The following IKZF3 variants were observed in gnomAD, a reference collection of about 807,000 sequenced individuals.
IKZF3 encodes zinc finger protein Aiolos.
Under a neutral mutation model 49.0 loss-of-function variants are expected in IKZF3, and 10 were observed. The ratio of observed to expected loss-of-function variants is 0.20; its 90% CI spans 0.13 to 0.35. The LOEUF (loss-of-function observed/expected upper bound fraction) is 0.35. IKZF3 is among the 10% of genes least tolerant of loss of function. IKZF3 has a pLI of 1.00. For synonymous variants in IKZF3, 209 were observed against 228.2 expected (o/e 0.92, Z 0.76); for missense variants, 498 against 664.8 (o/e 0.75, Z 2.76).
intron 3 of IKZF3, among the ~76,000 whole-genome samples, chr17:39,814,675 G>T (rs1344316056): frequency 6.6e-6 from 1 of 152,122 alleles, no homozygotes; most frequent in Non-Finnish European, 1.5e-5. Flanking sequence ...AGAGATTAGA[G>T]TTATGCTGCC....
rs573230009 is a variant in IKZF3 at position 39,825,760 on chromosome 17, AT to A, written c.163+3626del. On this transcript the variant is annotated intron_variant, in intron 3 of 7. Transcript: ENST00000346872. ...GCTCTTATGATTGAAGGACAAAAAAATAATTTTAAAACCTAAAATATCAACG... is the reference window on the plus strand; with the variant it reads ...GCTCTTATGATTGAAGGACAAAAAAAAATTTTAAAACCTAAAATATCAACG... Among the ~76,000 whole-genome samples, 14 of 152,364 alleles carry A rather than the reference AT, an allele frequency of 9.2e-5. 1 individual carries two copies. The South Asian group carries it at 2.9e-3, about 32-fold the overall frequency.
intron 7 of IKZF3, among the ~76,000 whole-genome samples, chr17:39,776,830 C>T (rs182834284): frequency 6.6e-6 from 1 of 152,204 alleles, no homozygotes; most frequent in Non-Finnish European, 1.5e-5. Flanking sequence ...GAGGCTGAGA[C>T]AGGTTTCTAA....
intron 6 of IKZF3, among the ~76,000 whole-genome samples, chr17:39,784,697 C>G (rs750819964): frequency 7.9e-5 from 12 of 152,222 alleles, no homozygotes; most frequent in Non-Finnish European, 1.8e-4. Flanking sequence ...CCACCGCGCC[C>G]GGCCAGGATT....
At chr17:39,774,187 C>A (rs2060517487) in intron 7 of IKZF3, among the ~76,000 whole-genome samples, 1 of 152,116 alleles carries the variant, frequency 6.6e-6, no homozygotes, top group African/African-American at 2.4e-5. Context: ...CCTTTACCCT[C>A]ACAGTTCAAG....
chr17:39,777,815 C>T (rs1300068025), intron 6 of IKZF3, 48 bp from the exon 7 acceptor site: 2 of 1,589,042 alleles, frequency 1.3e-6, no homozygotes, highest in South Asian at 1.1e-5. Flanking sequence ...CACATTGGTA[C>T]ATGGGGAGAA....
chr17:39,863,442 A>G (rs2063270702), intron 1 of IKZF3, among the ~76,000 whole-genome samples: 1 of 152,110 alleles, frequency 6.6e-6, no homozygotes, highest in Non-Finnish European at 1.5e-5. Flanking sequence ...TGCATTTGCC[A>G]TTTTCAAGGT....
chr17:39,828,500 C>G (rs574341463), intron 3 of IKZF3, among the ~76,000 whole-genome samples: 3 of 152,300 alleles, frequency 2.0e-5, no homozygotes, highest in Admixed American at 6.5e-5. Context: ...AGTTATGTAA[C>G]AAGTCCTGTG....
At chr17:39,819,802 T>C (rs1328267065) in intron 3 of IKZF3, among the ~76,000 whole-genome samples, 1 of 152,082 alleles carries the variant, frequency 6.6e-6, no homozygotes, top group Non-Finnish European at 1.5e-5. Context: ...CCCAAGTAGC[T>C]GGGACTACAG....
chr17:39,847,573 A>G (rs566095549), intron 1 of IKZF3, among the ~76,000 whole-genome samples: 173 of 152,282 alleles, frequency 1.1e-3, no homozygotes, highest in African/African-American at 3.9e-3. Context: ...GTTATAGCTC[A>G]GATGTTACCA....
intron 4 of IKZF3, 137 bp downstream of exon 4, chr17:39,792,535 CA>C: frequency 1.2e-6 from 1 of 827,320 alleles, no homozygotes; most frequent in Middle Eastern, 3.7e-4. Context: ...GAGTGAACAG[CA>C]ATGCAGAGAG....
intron 1 of IKZF3, among the ~76,000 whole-genome samples, chr17:39,860,657 A>G (rs2063190784): frequency 6.6e-6 from 1 of 151,398 alleles, no homozygotes; most frequent in Admixed American, 6.6e-5. Flanking sequence ...GGAGCTAAAC[A>G]CTGGGTACAC....
chr17:39,820,196 T>C (rs774856243), intron 3 of IKZF3, among the ~76,000 whole-genome samples: 2 of 152,212 alleles, frequency 1.3e-5, no homozygotes, highest in African/African-American at 4.8e-5. Flanking sequence ...CTGTGTTCAG[T>C]GTCATGCGAT....
chr17:39,855,809 C>A (rs535742187), intron 1 of IKZF3, among the ~76,000 whole-genome samples: 87 of 152,108 alleles, frequency 5.7e-4, no homozygotes, highest in Non-Finnish European at 1.0e-3. Context: ...GATAAGTAAT[C>A]TTTGCTTCAA....
intron 1 of IKZF3, among the ~76,000 whole-genome samples, chr17:39,857,554 A>G (rs28661421): frequency 0.058 from 8,803 of 152,274 alleles, 401 homozygotes; most frequent in African/African-American, 0.12. Flanking sequence ...TGTGGGGGGC[A>G]TGGATTAGAA....
At chr17:39,848,124 C>T (rs2062687972) in intron 1 of IKZF3, among the ~76,000 whole-genome samples, 1 of 152,062 alleles carries the variant, frequency 6.6e-6, no homozygotes, top group African/African-American at 2.4e-5. Context: ...TGTTAAGAAA[C>T]ATCAAGACTG....
At chr17:39,851,755 C>G (rs1276937516) in intron 1 of IKZF3, among the ~76,000 whole-genome samples, 1 of 152,128 alleles carries the variant, frequency 6.6e-6, no homozygotes, top group African/African-American at 2.4e-5. Context: ...GAAAAATAAT[C>G]AAGCTATATA....
chr17:39,838,640 C>A (rs2062374257), intron 1 of IKZF3, among the ~76,000 whole-genome samples: 1 of 152,036 alleles, frequency 6.6e-6, no homozygotes, highest in Non-Finnish European at 1.5e-5. Context: ...TATACAAGTT[C>A]TTGTCTGCCA....
At chr17:39,807,712 C>G (rs1175450707) in intron 3 of IKZF3, among the ~76,000 whole-genome samples, 1 of 151,648 alleles carries the variant, frequency 6.6e-6, no homozygotes, top group Non-Finnish European at 1.5e-5. Context: ...ATAAAAGAAA[C>G]AAACTACTGA....
intron 1 of IKZF3, 61 bp downstream of exon 1, chr17:39,864,059 C>T: frequency 6.2e-7 from 1 of 1,603,328 alleles, no homozygotes; most frequent in Non-Finnish European, 8.5e-7. Flanking sequence ...ACTCTTTCTA[C>T]TGCTTGCACA....
Sources: gnomAD v4.1 joint callset for allele counts (sites outside exome capture counted in the v4.1 genomes callset) on GRCh38, gnomAD v4.1.1 for gene constraint, MANE v1.5 for transcripts, NCBI Gene and HGNC (gene_info 2026-07-23, HGNC 2026-07-21) for gene names.